CEP128: variants seen among roughly 807,000 people sequenced by gnomAD.
The protein encoded by CEP128 is centrosomal protein 128.
CEP128 carries 132 observed loss-of-function variants against 156.7 expected under a neutral mutation model. The ratio of observed to expected loss-of-function variants is 0.84; its 90% CI spans 0.73 to 0.97. CEP128 has a LOEUF of 0.97. Ranked by LOEUF, CEP128 falls within the 50% of genes least tolerant of loss-of-function variation. The probability of loss-of-function intolerance (pLI) is 0.00; values close to 1 mark genes in which losing one functional copy is unlikely to be tolerated. For missense variants in CEP128, 1,252 were observed against 1,281.9 expected (o/e 0.98, Z 0.36); for synonymous variants, 469 against 448.9 (o/e 1.04, Z -0.57).
chr14:80,774,136 AG>A (rs1341742180), intron 16 of CEP128, among the ~76,000 whole-genome samples: 1 of 152,218 alleles, frequency 6.6e-6, no homozygotes. Context: ...ATATTTAGCA[AG>A]GGCAGTGTTC....
intron 19 of CEP128, among the ~76,000 whole-genome samples, chr14:80,621,544 C>T (rs1893479958): frequency 6.6e-6 from 1 of 152,026 alleles, no homozygotes; most frequent in African/African-American, 2.4e-5. Context: ...ACAGATAGGG[C>T]AAAACGTCAT....
At chr14:80,708,012 T>C (rs554900413) in intron 19 of CEP128, among the ~76,000 whole-genome samples, 1 of 152,192 alleles carries the variant, frequency 6.6e-6, no homozygotes, top group Non-Finnish European at 1.5e-5. Context: ...TCTCATATTA[T>C]GGTATATCCT....
At position 80,497,409 on chromosome 14, in the gene CEP128, A is replaced by G. The variant is rs879789229; in HGVS notation, c.*70T>C. On this transcript the variant is annotated 3_prime_UTR_variant, in exon 25 of 25. Transcript: ENST00000555265. ...ATGTCTGTTAGATAATCTGGGCCAA[A>G]TTGCTGTAAGAATAGAGATGTTATT... The G allele has an allele frequency of 9.3e-7, 1 of 1,075,842 alleles. No individual in the cohort carries two copies. Among genetic ancestry groups the G allele is most frequent in the East Asian group, 2.5e-5 (1 of 40,366 alleles). The allele number at this position is 1,075,842 out of a possible 1,614,324, so 66.6% of individuals were successfully genotyped here.
At chr14:80,711,049 C>T (rs774151837) in intron 19 of CEP128, among the ~76,000 whole-genome samples, 9 of 151,980 alleles carry the variant, frequency 5.9e-5, no homozygotes, top group Admixed American at 1.3e-4. Flanking sequence ...AACAAAGCAG[C>T]TTTTTGGCTT....
chr14:80,895,215 T>C (rs945664000), intron 8 of CEP128, among the ~76,000 whole-genome samples: 6 of 152,008 alleles, frequency 3.9e-5, no homozygotes, highest in Non-Finnish European at 7.4e-5. Flanking sequence ...ATAATAAAGA[T>C]TGGGAATTAG....
chr14:80,737,127 T>A (rs531264741), intron 19 of CEP128, among the ~76,000 whole-genome samples: 79 of 152,322 alleles, frequency 5.2e-4, no homozygotes, highest in African/African-American at 1.8e-3. Flanking sequence ...AATTATAGGC[T>A]GGGTGCAGTG....
intron 19 of CEP128, among the ~76,000 whole-genome samples, chr14:80,580,828 G>C (rs540132472): frequency 6.6e-6 from 1 of 152,006 alleles, no homozygotes; most frequent in African/African-American, 2.4e-5. Flanking sequence ...CAAACCATTT[G>C]CCCTTAAAAC....
chr14:80,710,539 T>C (rs1897363911), intron 19 of CEP128, among the ~76,000 whole-genome samples: 1 of 152,142 alleles, frequency 6.6e-6, no homozygotes, highest in African/African-American at 2.4e-5. Context: ...TGGATATTTA[T>C]AAGTATTAAA....
intron 14 of CEP128, among the ~76,000 whole-genome samples, chr14:80,483,865 G>T (rs562899450): frequency 2.6e-5 from 4 of 152,148 alleles, no homozygotes; most frequent in African/African-American, 4.8e-5. Context: ...TATGTCTGGC[G>T]ATTTTCTATG....
At chr14:80,812,615 C>A (rs1043579895) in intron 13 of CEP128, among the ~76,000 whole-genome samples, 1 of 134,522 alleles carries the variant, frequency 7.4e-6, no homozygotes, top group Admixed American at 6.8e-5. Flanking sequence ...GTTGCCCAGG[C>A]TGGAGTGCAA....
At chr14:80,652,770 A>C (rs1221912772) in intron 19 of CEP128, among the ~76,000 whole-genome samples, 1 of 152,220 alleles carries the variant, frequency 6.6e-6, no homozygotes, top group Non-Finnish European at 1.5e-5. Context: ...CCATTGTGGA[A>C]GACAGTGTGG....
chr14:80,568,839 C>T (rs1276761534), intron 20 of CEP128, among the ~76,000 whole-genome samples: 1 of 152,192 alleles, frequency 6.6e-6, no homozygotes, highest in African/African-American at 2.4e-5. Context: ...TTTAGCTGCA[C>T]TTCTGGGAAG....
downstream of CEP128, among the ~76,000 whole-genome samples, chr14:80,486,023 T>C (rs1293496156): frequency 1.3e-5 from 2 of 152,246 alleles, no homozygotes; most frequent in Non-Finnish European, 2.9e-5. Context: ...TTGTTATTTA[T>C]GCAAGAGCTG....
chr14:80,770,224 C>T (rs1169615442), intron 16 of CEP128, among the ~76,000 whole-genome samples: 1 of 152,224 alleles, frequency 6.6e-6, no homozygotes, highest in Non-Finnish European at 1.5e-5. Flanking sequence ...CTGTAATTCA[C>T]TTAAAATCAA....
At chr14:80,944,594 A>T (rs1255189185), upstream of CEP128, among the ~76,000 whole-genome samples, 1 of 152,046 alleles carries the variant, frequency 6.6e-6, no homozygotes, top group South Asian at 2.1e-4. Flanking sequence ...AGGCTGAGGC[A>T]GGCGGATCAC....
chr14:80,498,424 A>G (rs372181199), intron 24 of CEP128, among the ~76,000 whole-genome samples: 113 of 152,242 alleles, frequency 7.4e-4, no homozygotes, highest in African/African-American at 2.5e-3. Context: ...CCTGCCCTTA[A>G]TGGTCGCCCA....
chr14:80,862,742 G>T lies in CEP128; in HGVS notation c.762+15C>A. 6.7e-7 allele frequency: 1 copy of T among 1,482,470 alleles called. No homozygotes were observed. Among genetic ancestry groups the T allele is most frequent in the Non-Finnish European group, 9.4e-7 (1 of 1,060,942 alleles). 91.8% of individuals were successfully genotyped at this position (1,482,470 alleles called of 1,614,324 possible). Reference sequence around the variant, plus strand: ...AATTCAAGATTTACATTCCATGAAAGTGTTTTTCACAAACCTCCTGTAGCT... The same window carrying T: ...AATTCAAGATTTACATTCCATGAAATTGTTTTTCACAAACCTCCTGTAGCT... On this transcript the variant is annotated intron_variant, in intron 9 of 24. Coordinates refer to ENST00000555265, the MANE Select transcript of CEP128 (RefSeq NM_152446.5).
At chr14:80,949,317 G>A (rs1320335892) in intron 2 of CEP128, among the ~76,000 whole-genome samples, 1 of 152,134 alleles carries the variant, frequency 6.6e-6, no homozygotes, top group African/African-American at 2.4e-5. Context: ...CTGAGAGTTT[G>A]GAAAGATGCA....
intron 13 of CEP128, among the ~76,000 whole-genome samples, chr14:80,825,557 T>C (rs1429399958): frequency 3.3e-5 from 5 of 152,192 alleles, no homozygotes; most frequent in Non-Finnish European, 7.3e-5. Flanking sequence ...ATACAAACTA[T>C]TAGTAATTAG....
Sources: allele counts gnomAD v4.1 joint callset (sites outside exome capture counted in the v4.1 genomes callset), GRCh38; gene constraint gnomAD v4.1.1; transcripts MANE v1.5; gene names NCBI Gene and HGNC (gene_info 2026-07-23, HGNC 2026-07-21).